The following IL1RAPL2 variants were observed in gnomAD, a reference collection of about 807,000 sequenced individuals.
IL1RAPL2 encodes interleukin 1 receptor accessory protein like 2, also known as X-linked interleukin-1 receptor accessory protein-like 2.
IL1RAPL2 carries 3 observed loss-of-function variants against 44.1 expected under a neutral mutation model. That is an observed-to-expected ratio of 0.07 (90% confidence interval 0.03 to 0.18). The LOEUF (loss-of-function observed/expected upper bound fraction) is 0.18. IL1RAPL2 is among the 10% of genes least tolerant of loss of function. The pLI, the probability that IL1RAPL2 is intolerant of heterozygous loss-of-function variation, is 1.00. For synonymous variants in IL1RAPL2, 181 were observed against 178.8 expected, an observed-to-expected ratio of 1.01 and a Z score of -0.10; for missense variants, 391 against 496.4, an observed-to-expected ratio of 0.79 and a Z score of 2.02.
intron 6 of IL1RAPL2, among the ~76,000 whole-genome samples, chrX:105,486,068 C>A (rs1222843581): frequency 8.9e-6 from 1 of 111,856 alleles, no homozygotes; most frequent in Non-Finnish European, 1.9e-5. Flanking sequence ...AATTTACATT[C>A]CCACTAACAG....
chrX:104,637,226 G>A (rs1305766057), intron 1 of IL1RAPL2, among the ~76,000 whole-genome samples: 2 of 111,033 alleles, frequency 1.8e-5, no homozygotes, highest in East Asian at 2.8e-4. Flanking sequence ...TAGTTTTTTG[G>A]TAGAGTCTTT....
At chrX:105,148,311 A>G (rs2033197095) in intron 2 of IL1RAPL2, among the ~76,000 whole-genome samples, 1 of 111,475 alleles carries the variant, frequency 9.0e-6, no homozygotes, top group Non-Finnish European at 1.9e-5. Context: ...TTCTGGTGGT[A>G]AGTGTAATGT....
At chrX:105,393,499 T>C (rs764902778) in intron 5 of IL1RAPL2, among the ~76,000 whole-genome samples, 1 of 111,509 alleles carries the variant, frequency 9.0e-6, no homozygotes, top group Non-Finnish European at 1.9e-5. Flanking sequence ...GTCCCTCTTA[T>C]AAGCCTAACC....
At chrX:105,627,794 G>A (rs1242833423) in intron 6 of IL1RAPL2, among the ~76,000 whole-genome samples, 2 of 111,612 alleles carry the variant, frequency 1.8e-5, no homozygotes, top group African/African-American at 6.5e-5. Context: ...GCCCAAAGGT[G>A]TGCACTGAGC....
intron 6 of IL1RAPL2, among the ~76,000 whole-genome samples, chrX:105,683,141 T>A (rs2037939588): frequency 8.9e-6 from 1 of 111,915 alleles, no homozygotes; most frequent in African/African-American, 3.2e-5. Flanking sequence ...AAATCTTTGT[T>A]ATCTAAGCAG....
At chrX:104,931,376 T>TAA (rs11459071) in intron 2 of IL1RAPL2, among the ~76,000 whole-genome samples, 5 of 75,346 alleles carry the variant, frequency 6.6e-5, no homozygotes, top group African/African-American at 1.9e-4. Flanking sequence ...CCACCTCCCC[T>TAA]AAAAAAAAAA....
intron 2 of IL1RAPL2, among the ~76,000 whole-genome samples, chrX:105,143,331 A>G (rs1286788636): frequency 8.9e-6 from 1 of 112,310 alleles, no homozygotes; most frequent in African/African-American, 3.2e-5. Context: ...GCAGCCAAAA[A>G]ACACATGAAA....
At chrX:105,464,397 G>C (rs2036114083) in intron 5 of IL1RAPL2, among the ~76,000 whole-genome samples, 1 of 111,327 alleles carries the variant, frequency 9.0e-6, no homozygotes. Flanking sequence ...GTCATCAATA[G>C]GTTCTTGGAA....
intron 2 of IL1RAPL2, among the ~76,000 whole-genome samples, chrX:104,944,619 G>T (rs1306763083): frequency 3.6e-5 from 4 of 111,594 alleles, no homozygotes; most frequent in African/African-American, 1.3e-4. Flanking sequence ...TGCCTCCTTA[G>T]AACTGGCACT....
At chrX:105,738,203 T>C in intron 7 of IL1RAPL2, among the ~76,000 whole-genome samples, 1 of 112,212 alleles carries the variant, frequency 8.9e-6, no homozygotes, top group Non-Finnish European at 1.9e-5. Context: ...GATAATGAAA[T>C]GTTTGTGTTT....
chrX:105,293,269 T>C (rs1163496196), intron 5 of IL1RAPL2, among the ~76,000 whole-genome samples: 1 of 112,085 alleles, frequency 8.9e-6, no homozygotes, highest in African/African-American at 3.2e-5. Context: ...ATAGGCAGTG[T>C]TCGTGCAACT....
chrX:105,691,938 G>C (rs1445040043), intron 6 of IL1RAPL2, among the ~76,000 whole-genome samples: 4 of 111,603 alleles, frequency 3.6e-5, no homozygotes, highest in Admixed American at 1.9e-4. Flanking sequence ...GAAAGAAAAT[G>C]AGCAGATCTA....
intron 1 of IL1RAPL2, among the ~76,000 whole-genome samples, chrX:104,571,392 G>A (rs1347359719): frequency 1.8e-5 from 2 of 111,586 alleles, no homozygotes; most frequent in Admixed American, 1.9e-4. Flanking sequence ...GAAGTGATAT[G>A]GTTTGGCTGC....
At chrX:104,663,795 G>A (rs1339268634) in intron 2 of IL1RAPL2, among the ~76,000 whole-genome samples, 2 of 104,663 alleles carry the variant, frequency 1.9e-5, no homozygotes, top group Non-Finnish European at 3.9e-5. Flanking sequence ...GAGAGATATC[G>A]GTCAGAAAGA....
Position 105,767,529 on chromosome X carries a change from C to A in IL1RAPL2, c.1929C>A (p.Asn643Lys). ...TAGGCAACCACCATACTTATTGTAA[C>A]CTGCCTCTGACGCTACTCAACGGAC... ...PSLGNHHTYC[N>K]LPLTLLNGQL... Residue 643 changes from asparagine (N) to lysine (K), a missense_variant, in exon 11 of 11, where the codon AAC (asparagine) becomes AAA (lysine). By Grantham distance (94) the Asn-to-Lys change is moderately conservative. Around this residue, in one of 2 missense-constraint regions of IL1RAPL2, gnomAD observed 232 missense variants for 244.8 expected, o/e 0.95. Transcript: ENST00000372582. 1.7e-6 allele frequency: 2 copies of A among 1,210,616 alleles called. No individual in the cohort carries two copies. The highest frequency in any genetic ancestry group is 2.2e-6 in the Non-Finnish European group (2 of 894,532).
In IL1RAPL2 at chrX:105,550,962, AATACATAC is replaced by A. The variant is rs772915509; in HGVS notation, c.772+66587_772+66594del. Among the ~76,000 whole-genome samples the A allele has an allele frequency of 1.2e-4, 13 of 111,654 alleles. No individual in the cohort carries two copies. In the East Asian group the frequency reaches 3.7e-3, roughly 31 times the overall value. On this transcript the variant is annotated intron_variant, in intron 6 of 10. Transcript: ENST00000372582. ...CATACTACATTTCCATACATACATA[AATACATAC>A]ATACATACATATGTGACTAACATGA...
At chrX:105,542,954 C>T (rs2036757150) in intron 6 of IL1RAPL2, among the ~76,000 whole-genome samples, 1 of 110,469 alleles carries the variant, frequency 9.1e-6, no homozygotes, top group Admixed American at 9.7e-5. Context: ...GATTAAAATG[C>T]ATGCAATCTG....
chrX:105,517,764 G>A (rs2036525548), intron 6 of IL1RAPL2, among the ~76,000 whole-genome samples: 1 of 111,279 alleles, frequency 9.0e-6, no homozygotes, highest in Admixed American at 9.6e-5. Flanking sequence ...AGACAAATTT[G>A]GGTCTCATTC....
chrX:104,586,207 CT>C (rs746961055), intron 1 of IL1RAPL2, among the ~76,000 whole-genome samples: 5 of 111,167 alleles, frequency 4.5e-5, no homozygotes, highest in South Asian at 7.7e-4. Flanking sequence ...TGATGTTGAG[CT>C]TTTTTTTCAT....
Sources: allele counts gnomAD v4.1 joint callset (sites outside exome capture counted in the v4.1 genomes callset), GRCh38; gene constraint gnomAD v4.1.1; regional missense constraint gnomAD v4.1.1; transcripts MANE v1.5; gene names NCBI Gene and HGNC (gene_info 2026-07-23, HGNC 2026-07-21).